LPAR1: variants seen among roughly 807,000 people sequenced by gnomAD.
LPAR1 encodes the protein lysophosphatidic acid receptor 1.
A neutral mutation model predicts 23.8 loss-of-function variants in LPAR1; 5 were observed. The ratio of observed to expected loss-of-function variants is 0.21; its 90% CI spans 0.11 to 0.44. LPAR1 has a LOEUF of 0.44. LPAR1 is among the 20% of genes least tolerant of loss of function. LPAR1 has a pLI of 0.99. For missense variants in LPAR1, 311 were observed against 482.8 expected (o/e 0.64, Z 3.33); for synonymous variants, 160 against 164.7 (o/e 0.97, Z 0.22).
intron 4 of LPAR1, among the ~76,000 whole-genome samples, chr9:110,967,643 A>AG (rs1246085461): frequency 6.6e-6 from 1 of 152,236 alleles, no homozygotes; most frequent in Non-Finnish European, 1.5e-5. Context: ...TACCAGGCTA[A>AG]GGTGACTGAG....
chr9:110,959,616 T>G (rs4978974), intron 4 of LPAR1, among the ~76,000 whole-genome samples: 17,639 of 151,488 alleles, frequency 0.12, 1,336 homozygotes, highest in Admixed American at 0.21. Flanking sequence ...AGAACCTGTC[T>G]CAAAAAACAA....
intron 2 of LPAR1, among the ~76,000 whole-genome samples, chr9:111,022,713 G>A (rs1456632602): frequency 2.0e-5 from 3 of 151,716 alleles, no homozygotes; most frequent in African/African-American, 4.8e-5. Context: ...CCTGCATATC[G>A]AACACAACTT....
intron 5 of LPAR1, among the ~76,000 whole-genome samples, chr9:110,876,779 A>T (rs62571453): frequency 0.2 from 31,027 of 152,234 alleles, 3,806 homozygotes; most frequent in Non-Finnish European, 0.28. Flanking sequence ...CTATAACTGT[A>T]AGAGGAATGA....
intron 2 of LPAR1, among the ~76,000 whole-genome samples, chr9:111,008,276 C>T (rs1351731671): frequency 1.3e-5 from 2 of 151,968 alleles, no homozygotes; most frequent in African/African-American, 4.8e-5. Context: ...ATACTAAGAG[C>T]AAAATACAGT....
In LPAR1 at chr9:110,941,344, C is replaced by T. The variant is rs1169702831; in HGVS notation, c.793+77G>A. 5.3e-5 allele frequency: 70 copies of T among 1,327,764 alleles called. No homozygotes were observed. The highest frequency in any genetic ancestry group is 1.1e-4 in the South Asian group (8 of 71,596). The allele number at this position is 1,327,764 out of a possible 1,614,324, so 82.2% of individuals were successfully genotyped here. On this transcript the variant is annotated intron_variant, in intron 5 of 5. Transcript: ENST00000683809. The surrounding 1 kb of genome is among the most constrained non-coding windows in gnomAD (Gnocchi z 6.1). ...TGGTGAATATTCATACTGTTGGTTA[C>T]CTCTGACATAAAATAATGTGGTTTA...
At chr9:111,033,277 T>C (rs763949615) in intron 2 of LPAR1, among the ~76,000 whole-genome samples, 17 of 152,148 alleles carry the variant, frequency 1.1e-4, no homozygotes, top group Non-Finnish European at 2.4e-4. Context: ...ACAACAACAC[T>C]ACTTTGAAAT....
At chr9:110,926,251 G>C (rs756210665) in intron 5 of LPAR1, among the ~76,000 whole-genome samples, 2 of 152,216 alleles carry the variant, frequency 1.3e-5, no homozygotes, top group Non-Finnish European at 2.9e-5. Flanking sequence ...AAGGACATGT[G>C]AGTCCGACTC....
intron 4 of LPAR1, among the ~76,000 whole-genome samples, chr9:110,945,045 G>A (rs1313006459): frequency 6.6e-6 from 1 of 152,022 alleles, no homozygotes; most frequent in Non-Finnish European, 1.5e-5. Context: ...AGAAGTGAGA[G>A]GAATTTCAGT....
intron 5 of LPAR1, among the ~76,000 whole-genome samples, 162 bp from the exon 6 acceptor site, chr9:110,875,884 C>A (rs542087586): frequency 4.6e-5 from 7 of 152,138 alleles, no homozygotes; most frequent in African/African-American, 1.7e-4. Flanking sequence ...CTGAGAAAAT[C>A]AGAAAAAATT....
intron 5 of LPAR1, among the ~76,000 whole-genome samples, chr9:110,911,240 C>T (rs1474900970): frequency 6.6e-6 from 1 of 152,146 alleles, no homozygotes; most frequent in African/African-American, 2.4e-5. Context: ...GCCAGACCTT[C>T]CACCAGCAAA....
chr9:110,873,334 A>G lies in LPAR1; in HGVS notation c.*2087T>C, dbSNP rs1282092796. 1 of 152,226 alleles carries G rather than the reference A, an allele frequency of 6.6e-6. No homozygotes were observed. The highest frequency in any genetic ancestry group is 1.5e-5 in the Non-Finnish European group (1 of 68,042). 9.4% of individuals were successfully genotyped at this position (152,226 alleles called of 1,614,324 possible). A position where few individuals can be genotyped will look rare whatever the true frequency, so the allele number is the denominator to read the frequency against. ...CAAATAATCCATATAGCCTCCAGAA[A>G]AATATGCACATGTGTAAAAGTCCAC... On this transcript the variant is annotated 3_prime_UTR_variant, in exon 6 of 6. Transcript: ENST00000683809.
chr9:110,954,041 G>C (rs1460057074), intron 4 of LPAR1, among the ~76,000 whole-genome samples: 1 of 152,008 alleles, frequency 6.6e-6, no homozygotes, highest in Non-Finnish European at 1.5e-5. Flanking sequence ...AGAGAATTCA[G>C]ATTAAACAAT....
intron 2 of LPAR1, among the ~76,000 whole-genome samples, chr9:110,997,912 G>T (rs2097050586): frequency 6.6e-6 from 1 of 152,214 alleles, no homozygotes; most frequent in Admixed American, 6.5e-5. Context: ...AGCACCCAAA[G>T]TGGGTCTAGG....
chr9:110,904,884 A>G (rs1370841135), intron 5 of LPAR1, among the ~76,000 whole-genome samples: 2 of 152,224 alleles, frequency 1.3e-5, no homozygotes, highest in East Asian at 1.9e-4. Flanking sequence ...AAAGTTCACA[A>G]TCCAAAGAGG....
At chr9:111,037,076 C>T (rs1374322592) in intron 1 of LPAR1, among the ~76,000 whole-genome samples, 4 of 152,180 alleles carry the variant, frequency 2.6e-5, no homozygotes, top group Non-Finnish European at 5.9e-5. Flanking sequence ...CTCCCCTTAA[C>T]CAGAACTGCA....
chr9:110,922,960 G>A (rs10759475), intron 5 of LPAR1, among the ~76,000 whole-genome samples: 29,103 of 151,316 alleles, frequency 0.19, 3,436 homozygotes, highest in Admixed American at 0.26. Context: ...ATCCACATTG[G>A]GTATTTCTCC....
chr9:110,930,396 C>G (rs939679731), intron 5 of LPAR1, among the ~76,000 whole-genome samples: 2 of 151,936 alleles, frequency 1.3e-5, no homozygotes, highest in Non-Finnish European at 2.9e-5. Context: ...GTAATCCCAG[C>G]TGCTCGGGAG....
chr9:110,995,414 A>AAT (rs1237064654), intron 2 of LPAR1, among the ~76,000 whole-genome samples: 7 of 152,184 alleles, frequency 4.6e-5, no homozygotes, highest in Non-Finnish European at 1.0e-4. Context: ...ATACAATCCT[A>AAT]ATATCTACTT....
chr9:110,949,709 T>C (rs1172781226), intron 4 of LPAR1, among the ~76,000 whole-genome samples: 1 of 152,216 alleles, frequency 6.6e-6, no homozygotes, highest in Admixed American at 6.5e-5. Flanking sequence ...GTTAATCTAA[T>C]TTAAGACCAT....
Sources: gnomAD v4.1 joint callset for allele counts (sites outside exome capture counted in the v4.1 genomes callset) on GRCh38, gnomAD v4.1.1 for gene constraint, Gnocchi (gnomAD v3.1) non-coding constraint, MANE v1.5 for transcripts, NCBI Gene and HGNC (gene_info 2026-07-23, HGNC 2026-07-21) for gene names.